NEK4: variants seen among roughly 807,000 people sequenced by gnomAD.
NEK4 encodes the protein NIMA related kinase 4, also known as serine/threonine-protein kinase Nek4.
In NEK4, 86 loss-of-function variants were observed where a neutral mutation model predicts 98.4. The ratio of observed to expected loss-of-function variants is 0.87; its 90% CI spans 0.73 to 1.05. The LOEUF (loss-of-function observed/expected upper bound fraction) is 1.05. Ranked by LOEUF, NEK4 falls within the 50% of genes least tolerant of loss-of-function variation. NEK4 has a pLI of 0.00. For synonymous variants in NEK4, 328 were observed against 342.2 expected (o/e 0.96, Z 0.46); for missense variants, 898 against 950.3 (o/e 0.94, Z 0.72).
intron 15 of NEK4, among the ~76,000 whole-genome samples, chr3:52,736,488 A>G (rs949772194): frequency 2.6e-5 from 4 of 151,824 alleles, no homozygotes; most frequent in Non-Finnish European, 4.4e-5. Flanking sequence ...CGGGAGGCTG[A>G]GGCAGGAGAA....
chr3:52,741,362 A>AT, intron 13 of NEK4, 49 bp downstream of exon 13: 1 of 1,103,076 alleles, frequency 9.1e-7, no homozygotes, highest in Non-Finnish European at 1.4e-6. Flanking sequence ...TTTAATATTC[A>AT]TTAAAACAGA....
At chr3:52,751,688 GA>G (rs1192093962) in intron 7 of NEK4, among the ~76,000 whole-genome samples, 1 of 152,120 alleles carries the variant, frequency 6.6e-6, no homozygotes, top group Non-Finnish European at 1.5e-5. Context: ...CCATTTATAT[GA>G]AATCCTCAGA....
intron 15 of NEK4, 63 bp from the exon 16 acceptor site, chr3:52,711,932 T>C: frequency 1.1e-6 from 1 of 890,458 alleles, no homozygotes; most frequent in Non-Finnish European, 1.8e-6. Context: ...TCTGTAATCT[T>C]AGAGGAAGGG....
At chr3:52,743,033 C>G (rs893147687) in intron 12 of NEK4, among the ~76,000 whole-genome samples, 2 of 152,196 alleles carry the variant, frequency 1.3e-5, no homozygotes. Context: ...AATCTTCTCA[C>G]CTTGGCCTCC....
chr3:52,714,657 C>CA (rs2097353470), intron 15 of NEK4, among the ~76,000 whole-genome samples: 1 of 152,210 alleles, frequency 6.6e-6, no homozygotes, highest in Non-Finnish European at 1.5e-5. Flanking sequence ...GCCAGGCTGT[C>CA]ACCTGCCGCT....
chr3:52,728,002 A>G (rs1010259674), intron 15 of NEK4, among the ~76,000 whole-genome samples: 4 of 152,140 alleles, frequency 2.6e-5, no homozygotes, highest in Non-Finnish European at 5.9e-5. Flanking sequence ...GGAGACATAG[A>G]TGAGAGGATT....
chr3:52,726,598 C>CA (rs35224191), intron 15 of NEK4, among the ~76,000 whole-genome samples: 11,876 of 103,996 alleles, frequency 0.11, 665 homozygotes, highest in African/African-American at 0.15. Context: ...GACTCCGTCT[C>CA]AAAAAAAAAA....
In NEK4 at chr3:52,722,630, C is replaced by T. The variant is rs560880180; in HGVS notation, c.2434-10761G>A. Among the ~76,000 whole-genome samples the T allele has an allele frequency of 2.6e-5, 4 of 152,126 alleles. 1 individual carries two copies. In the South Asian group the frequency reaches 6.2e-4, roughly 24 times the overall value. ...TATTAGAAAATGATGTGGCCGGGCA[C>T]GGTGACTCACGCCTGTAATTACAGG... On this transcript the variant is annotated intron_variant, in intron 15 of 15. Transcript: ENST00000233027.
At chr3:52,714,343 C>G (rs1364487860) in intron 15 of NEK4, among the ~76,000 whole-genome samples, 1 of 152,256 alleles carries the variant, frequency 6.6e-6, no homozygotes. Context: ...ATGGCAGTCA[C>G]GGGCCATCCG....
rs1383811088 is a variant in NEK4 at position 52,746,275 on chromosome 3, G to C, written c.1678-65C>G. On this transcript the variant is annotated intron_variant, in intron 9 of 15. Transcript: ENST00000233027. ...AGCCCCTTCCAATGTTCCCCTATCA[G>C]CAGGTTCTCTATGTATTTGTCCGTG... The C allele has an allele frequency of 2.0e-6, 3 of 1,467,108 alleles. No individual in the cohort carries two copies. The African/African-American group carries it at 4.2e-5, about 21-fold the overall frequency. 90.9% of individuals were successfully genotyped at this position (1,467,108 alleles called of 1,614,324 possible). A position where few individuals can be genotyped will look rare whatever the true frequency, so the allele number is the denominator to read the frequency against.
Position 52,758,178 on chromosome 3 carries a change from CAAAAAAAAAAA to C in NEK4, c.963+2606_963+2616del, listed in dbSNP as rs35117059. Among the ~76,000 whole-genome samples the C allele has an allele frequency of 9.6e-5, 6 of 62,786 alleles. No homozygotes were observed. The South Asian group carries it at 3.6e-3, about 38-fold the overall frequency. 41.2% of individuals were successfully genotyped at this position (62,786 alleles called of 152,430 possible). A position where few individuals can be genotyped will look rare whatever the true frequency, so the allele number is the denominator to read the frequency against. On this transcript the variant is annotated intron_variant, in intron 6 of 15. Coordinates refer to ENST00000233027, the MANE Select transcript of NEK4 (RefSeq NM_003157.6). ...TGGGTGACACAGCAAGACACCATCTCAAAAAAAAAAAAAAAAAAAAAAAAAGAAAGAAAGTA... is the reference window on the plus strand; with the variant it reads ...TGGGTGACACAGCAAGACACCATCTCAAAAAAAAAAAAAAGAAAGAAAGTA...
chr3:52,770,570 C>G (rs1364776377), intron 1 of NEK4, 84 bp downstream of exon 1: 7 of 1,057,340 alleles, frequency 6.6e-6, no homozygotes, highest in Non-Finnish European at 9.8e-6. Flanking sequence ...CCTCTTGCGA[C>G]CACCCCCGAC....
In NEK4 at chr3:52,741,425, C is replaced by T. The variant is rs1461213639; in HGVS notation, c.2079G>A (p.Gly693=). 1 of 1,600,764 alleles carries T rather than the reference C, an allele frequency of 6.2e-7. No homozygotes were observed. The highest frequency in any genetic ancestry group is 2.2e-5 in the East Asian group (1 of 44,770). Residue 693 remains glycine, a synonymous_variant, in exon 13 of 16, where the codon GGG becomes GGA. Transcript: ENST00000233027. The stretch of plus-strand genomic sequence containing the variant: ...CAAGAACTTACCCTTCCCCGTAATC[C>T]CCATCTGACTTATCAGTTGAACTTG... ...SSTSSTDKSD[G]DYGEGKGQTN...
intron 7 of NEK4, among the ~76,000 whole-genome samples, chr3:52,751,222 A>G (rs7646741): frequency 0.52 from 78,447 of 151,780 alleles, 20,550 homozygotes; most frequent in Admixed American, 0.6. Flanking sequence ...TTGGGAGGCC[A>G]AGATGGGCAG....
At chr3:52,755,073 CAA>C (rs201856002) in intron 6 of NEK4, among the ~76,000 whole-genome samples, 7 of 46,978 alleles carry the variant, frequency 1.5e-4, no homozygotes, top group Admixed American at 8.3e-4. Flanking sequence ...GACTCCGTCT[CAA>C]AAAAAAAAAA....
intron 15 of NEK4, among the ~76,000 whole-genome samples, chr3:52,726,468 G>A (rs1253201011): frequency 3.9e-5 from 6 of 151,920 alleles, no homozygotes; most frequent in South Asian, 2.1e-4. Flanking sequence ...GCATGGTGGC[G>A]GGCACCTGTA....
chr3:52,744,242 A>C lies in NEK4; in HGVS notation c.1891T>G (p.Ser631Ala). 6.2e-7 allele frequency: 1 copy of C among 1,611,784 alleles called. No homozygotes were observed. Among genetic ancestry groups the C allele is most frequent in the Non-Finnish European group, 8.5e-7 (1 of 1,177,838 alleles). Reference protein sequence around the residue: ...LKQSQEEMSSSGPSVRKASLS... With the variant: ...LKQSQEEMSSAGPSVRKASLS... ...GAAGAAAAGAAGTCAACTTTACCTG[A>C]AGAGGACATTTCTTCCTGTGACTGC... is the stretch of plus-strand genomic sequence containing the variant. The change falls in exon 11 of 16, where the codon TCA becomes GCA. Residue 631 changes from serine (S) to alanine (A), a missense_variant. By Grantham distance (99) the Ser-to-Ala change is moderately conservative. Coordinates refer to ENST00000233027, the MANE Select transcript of NEK4 (RefSeq NM_003157.6).
At chr3:52,721,130 GAGA>G (rs1240676863) in intron 15 of NEK4, among the ~76,000 whole-genome samples, 1 of 152,194 alleles carries the variant, frequency 6.6e-6, no homozygotes, top group East Asian at 1.9e-4. Context: ...GCACCCAGTG[GAGA>G]CAGTCATGCT....
chr3:52,742,351 A>G (rs1169437462), intron 12 of NEK4, among the ~76,000 whole-genome samples: 4 of 151,848 alleles, frequency 2.6e-5, no homozygotes, highest in African/African-American at 9.7e-5. Flanking sequence ...GATAACACCC[A>G]CAAGCCACCA....
Sources: gnomAD v4.1 joint callset for allele counts (sites outside exome capture counted in the v4.1 genomes callset) on GRCh38, gnomAD v4.1.1 for gene constraint, MANE v1.5 for transcripts, NCBI Gene and HGNC (gene_info 2026-07-23, HGNC 2026-07-21) for gene names.